FMN1: variants seen among roughly 807,000 people sequenced by gnomAD.
FMN1 encodes formin-1.
Under a neutral mutation model 132.4 loss-of-function variants are expected in FMN1, and 110 were observed. The ratio of observed to expected loss-of-function variants is 0.83; its 90% CI spans 0.71 to 0.97. The LOEUF (loss-of-function observed/expected upper bound fraction) is 0.97. FMN1 is among the 50% of genes least tolerant of loss of function. The pLI, the probability that FMN1 is intolerant of heterozygous loss-of-function variation, is 0.00. For synonymous variants in FMN1, 722 were observed against 651.7 expected, an observed-to-expected ratio of 1.11 and a Z score of -1.64; for missense variants, 1,792 against 1,705.3, an observed-to-expected ratio of 1.05 and a Z score of -0.90.
chr15:32,946,291 T>G (rs1194250098), intron 9 of FMN1, among the ~76,000 whole-genome samples: 1 of 152,064 alleles, frequency 6.6e-6, no homozygotes, highest in Non-Finnish European at 1.5e-5. Context: ...CATAACATAG[T>G]GACTGAAAAA....
At chr15:32,814,361 T>C (rs1035830208) in intron 17 of FMN1, among the ~76,000 whole-genome samples, 2 of 152,260 alleles carry the variant, frequency 1.3e-5, no homozygotes, top group African/African-American at 4.8e-5. Context: ...AAAATAATTA[T>C]ACATAAATCC....
At chr15:33,108,263 T>C (rs1011178643) in intron 4 of FMN1, among the ~76,000 whole-genome samples, 36 of 151,918 alleles carry the variant, frequency 2.4e-4, no homozygotes, top group Non-Finnish European at 2.9e-4. Context: ...TGAAACTCAA[T>C]CAGACAACTA....
chr15:32,982,596 G>T (rs2032766566), intron 7 of FMN1, among the ~76,000 whole-genome samples: 1 of 152,180 alleles, frequency 6.6e-6, no homozygotes, highest in Non-Finnish European at 1.5e-5. Flanking sequence ...TGTTTTGGAT[G>T]AGATTAACAT....
At chr15:32,790,202 C>T (rs904158534) in intron 19 of FMN1, among the ~76,000 whole-genome samples, 15 of 152,326 alleles carry the variant, frequency 9.8e-5, no homozygotes, top group African/African-American at 2.9e-4. Flanking sequence ...CCTCCAAACG[C>T]ATGTTCAGTC....
chr15:32,889,808 G>A lies in FMN1; in HGVS notation c.3715-1516C>T, dbSNP rs866259251. ...TTTCCCATAAGTTATTGGGGTAGAG[G>A]TGGTATTTGGTTACATGAGTAAGTT... On this transcript the variant is annotated intron_variant, in intron 15 of 20. Transcript: ENST00000616417. Among the ~76,000 whole-genome samples, 36 of 152,280 alleles carry A rather than the reference G, an allele frequency of 2.4e-4. 1 individual carries two copies. Among genetic ancestry groups the A allele is most frequent in the Middle Eastern group, 3.4e-3 (1 of 294 alleles).
chr15:32,999,985 G>A (rs1450096163), intron 7 of FMN1, among the ~76,000 whole-genome samples: 1 of 152,164 alleles, frequency 6.6e-6, no homozygotes. Flanking sequence ...TACCTTTCCA[G>A]AGCTGCATCC....
intron 7 of FMN1, among the ~76,000 whole-genome samples, chr15:32,982,438 C>G (rs1229583815): frequency 2.6e-5 from 4 of 152,178 alleles, no homozygotes; most frequent in Non-Finnish European, 4.4e-5. Context: ...GAAACAAAAA[C>G]ATAGGTTAAT....
chr15:33,093,201 A>G (rs1299900135), intron 4 of FMN1, among the ~76,000 whole-genome samples: 5 of 152,222 alleles, frequency 3.3e-5, no homozygotes, highest in African/African-American at 1.2e-4. Flanking sequence ...GAGGAGAGAA[A>G]AAACAAAAAC....
At chr15:33,191,212 C>A (rs1025842209) in intron 2 of FMN1, among the ~76,000 whole-genome samples, 1 of 151,960 alleles carries the variant, frequency 6.6e-6, no homozygotes, top group African/African-American at 2.4e-5. Context: ...AATATTTTGC[C>A]CAATAGCCTG....
chr15:33,047,068 T>TA, intron 6 of FMN1, among the ~76,000 whole-genome samples: 2 of 152,360 alleles, frequency 1.3e-5, no homozygotes, highest in East Asian at 3.9e-4. Flanking sequence ...CTTGATCTTG[T>TA]AACCACATGG....
chr15:32,994,721 A>G (rs2033661531), intron 7 of FMN1, among the ~76,000 whole-genome samples: 1 of 151,784 alleles, frequency 6.6e-6, no homozygotes, highest in African/African-American at 2.4e-5. Context: ...CCTTTTGATG[A>G]TTCCATTCTT....
intron 8 of FMN1, 39 bp downstream of exon 8, chr15:32,968,675 G>C: frequency 6.2e-7 from 1 of 1,610,046 alleles, no homozygotes; most frequent in Non-Finnish European, 8.5e-7. Flanking sequence ...CCAAATCCTA[G>C]GAATTCACAT....
At chr15:32,980,533 G>A (rs74012422) in intron 7 of FMN1, among the ~76,000 whole-genome samples, 3,410 of 152,178 alleles carry the variant, frequency 0.022, 123 homozygotes, top group African/African-American at 0.074. Flanking sequence ...AAACTGTACA[G>A]TATTATGCCA....
intron 6 of FMN1, among the ~76,000 whole-genome samples, chr15:33,018,267 G>A (rs1420657474): frequency 6.6e-6 from 1 of 152,014 alleles, no homozygotes; most frequent in Non-Finnish European, 1.5e-5. Context: ...ACTTTCCAAA[G>A]TGATGTCTTT....
intron 3 of FMN1, among the ~76,000 whole-genome samples, chr15:33,170,148 C>T (rs2140318279): frequency 6.6e-6 from 1 of 152,032 alleles, no homozygotes; most frequent in Non-Finnish European, 1.5e-5. Flanking sequence ...ACAAGGGCAC[C>T]AAGAACATAC....
At chr15:32,882,652 C>T (rs2059797917) in intron 16 of FMN1, among the ~76,000 whole-genome samples, 1 of 152,046 alleles carries the variant, frequency 6.6e-6, no homozygotes, top group South Asian at 2.1e-4. Context: ...AAAAACAGTA[C>T]ACCAAGTTAA....
intron 17 of FMN1, among the ~76,000 whole-genome samples, chr15:32,855,157 T>TAAAAAA (rs750275479): frequency 1.3e-4 from 11 of 85,518 alleles, no homozygotes; most frequent in African/African-American, 2.0e-4. Context: ...ACGTGGAGAG[T>TAAAAAA]AAAAAAAAAA....
At chr15:32,797,755 T>TA (rs899912741) in intron 19 of FMN1, among the ~76,000 whole-genome samples, 2 of 152,140 alleles carry the variant, frequency 1.3e-5, no homozygotes, top group Non-Finnish European at 1.5e-5. Context: ...AGAAAATACT[T>TA]AGAGACTAAT....
At chr15:33,006,790 C>T (rs887368563) in intron 7 of FMN1, among the ~76,000 whole-genome samples, 3 of 151,962 alleles carry the variant, frequency 2.0e-5, no homozygotes, top group African/African-American at 7.3e-5. Context: ...ATGCCAAGCA[C>T]AGAAAGACAT....
Sources: allele counts gnomAD v4.1 joint callset (sites outside exome capture counted in the v4.1 genomes callset), GRCh38; gene constraint gnomAD v4.1.1; transcripts MANE v1.5; gene names NCBI Gene and HGNC (gene_info 2026-07-23, HGNC 2026-07-21).